The following TRAF1 variants were observed in gnomAD, a reference collection of about 807,000 sequenced individuals.
The protein encoded by TRAF1 is TNF receptor associated factor 1.
Under a neutral mutation model 40.9 loss-of-function variants are expected in TRAF1, and 23 were observed. That is an observed-to-expected ratio of 0.56 (90% CI 0.40 to 0.80). The LOEUF (loss-of-function observed/expected upper bound fraction) is 0.80, where lower values mean the gene tolerates loss of function less well. TRAF1 is among the 30% of genes least tolerant of loss of function. TRAF1 has a pLI of 0.00. For missense variants in TRAF1, 477 were observed against 528.7 expected, an observed-to-expected ratio of 0.90 and a Z score of 0.96; for synonymous variants, 206 against 218.8, an observed-to-expected ratio of 0.94 and a Z score of 0.52.
At position 120,909,360 on chromosome 9, in the gene TRAF1, T is replaced by C; in HGVS notation, c.902A>G (p.Tyr301Cys). 2.5e-6 allele frequency: 4 copies of C among 1,614,102 alleles called. No homozygotes were observed. The highest frequency in any genetic ancestry group is 4.5e-5 in the East Asian group (2 of 44,890). ...LFSPAFYTAK[Y>C]GYKLCLRLYL... ...CAGCCGCAGGCACAACTTGTAGCCA[T>C]ACTTGGCAGTGTAGAAGGCTGAAAC... Residue 301 changes from tyrosine to cysteine, a missense_variant, in exon 7 of 8, where the codon TAT becomes TGT. Tyr to Cys is a radical substitution (Grantham distance 194). Transcript: ENST00000373887.
chr9:120,918,007 C>T (rs1407004935), intron 3 of TRAF1, among the ~76,000 whole-genome samples: 1 of 151,978 alleles, frequency 6.6e-6, no homozygotes, highest in Admixed American at 6.6e-5. Flanking sequence ...TGACTGGTAT[C>T]CTTTTAGGAA....
chr9:120,926,134 C>G lies in TRAF1; in HGVS notation c.-59G>C, dbSNP rs775230531. On this transcript the variant is annotated 5_prime_UTR_variant, in exon 2 of 8. Transcript: ENST00000373887. The stretch of plus-strand genomic sequence containing the variant: ...AAGTTGCTCCAGGGCAGGGGACCAG[C>G]CTTGTGGAGTCCTGGCCTGGGCCTC... 8 of 1,474,184 alleles carry G rather than the reference C, an allele frequency of 5.4e-6. No homozygotes were observed. The highest frequency in any genetic ancestry group is 2.8e-5 in the South Asian group (2 of 70,480). The allele number at this position is 1,474,184 out of a possible 1,614,324, so 91.3% of individuals were successfully genotyped here.
Position 120,913,559 on chromosome 9 carries a change from C to T in TRAF1, c.474G>A (p.Gly158=). The T allele has an allele frequency of 1.2e-6, 2 of 1,613,958 alleles. No homozygotes were observed. Among genetic ancestry groups the T allele is most frequent in the Admixed American group, 1.7e-5 (1 of 60,024 alleles). Residue 158 remains glycine, a synonymous_variant, in exon 5 of 8, where the codon GGG becomes GGA. Transcript: ENST00000373887. The part of the protein sequence containing the change: ...LQLQAAVEVA[G]DLEVDCYRAP... ...CCCGGTAGCAATCGACCTCCAGGTC[C>T]CCCGCCACTTCCACGGCTGCCTGCA...
At chr9:120,913,858 G>A in intron 4 of TRAF1, 120 bp from the exon 5 acceptor site, 1 of 1,212,504 alleles carries the variant, frequency 8.2e-7, no homozygotes, top group Non-Finnish European at 1.1e-6. Flanking sequence ...AAAAGGAGTG[G>A]CTTTCTGTAC....
chr9:120,910,298 C>T (rs1296605699), intron 6 of TRAF1, among the ~76,000 whole-genome samples: 1 of 152,164 alleles, frequency 6.6e-6, no homozygotes, highest in Non-Finnish European at 1.5e-5. Flanking sequence ...GGCTCGAGGC[C>T]ACCCCATGAA....
At chr9:120,916,759 A>G (rs2131628631) in intron 3 of TRAF1, among the ~76,000 whole-genome samples, 1 of 146,948 alleles carries the variant, frequency 6.8e-6, no homozygotes, top group African/African-American at 2.5e-5. Context: ...CAGATGTTCT[A>G]TGGAAGGCAG....
upstream of TRAF1, chr9:120,927,792 C>T (rs1352279694): frequency 6.6e-6 from 1 of 152,282 alleles, no homozygotes; most frequent in Non-Finnish European, 1.5e-5. Flanking sequence ...TAACAAACGA[C>T]CTCCAGGCCT....
chr9:120,928,047 T>G (rs1564123226), upstream of TRAF1: 1 of 152,170 alleles, frequency 6.6e-6, no homozygotes, highest in Non-Finnish European at 1.5e-5. Context: ...GGAAAAATAG[T>G]ACTACTTTTG....
chr9:120,914,199 G>C, intron 4 of TRAF1, 36 bp downstream of exon 4: 6 of 1,478,716 alleles, frequency 4.1e-6, no homozygotes, highest in South Asian at 1.4e-5. Context: ...TGGAACCATA[G>C]TGGATAGATC....
intron 3 of TRAF1, among the ~76,000 whole-genome samples, chr9:120,921,289 C>A (rs185868638): frequency 1.5e-4 from 23 of 152,088 alleles, no homozygotes; most frequent in African/African-American, 4.6e-4. Context: ...TCCCCAGAAC[C>A]TCTTAGGGGC....
Position 120,903,747 on chromosome 9 carries a change from T to A in TRAF1, c.*1273A>T, listed in dbSNP as rs1475092516. ...TCTCTCCAGTCTGTCCTGCGTGGCA[T>A]CTCCTTTGAGGGTCAGAGAAGCCAG... is the stretch of plus-strand genomic sequence containing the variant. On this transcript the variant is annotated 3_prime_UTR_variant, in exon 8 of 8. Transcript: ENST00000373887. 6.6e-6 allele frequency: 1 copy of A among 152,114 alleles called. No homozygotes were observed. Among genetic ancestry groups the A allele is most frequent in the Non-Finnish European group, 1.5e-5 (1 of 68,036 alleles). 9.4% of individuals were successfully genotyped at this position (152,114 alleles called of 1,614,324 possible). A position where few individuals can be genotyped will look rare whatever the true frequency, so the allele number is the denominator to read the frequency against.
At chr9:120,918,339 A>T (rs1214557509) in intron 3 of TRAF1, among the ~76,000 whole-genome samples, 1 of 152,020 alleles carries the variant, frequency 6.6e-6, no homozygotes, top group Admixed American at 6.6e-5. Context: ...TAATAAATTA[A>T]TAGTAATAAT....
chr9:120,913,549 C>T lies in TRAF1; in HGVS notation c.484G>A (p.Val162Ile). 10 of 1,613,516 alleles carry T rather than the reference C, an allele frequency of 6.2e-6. No individual in the cohort carries two copies. The highest frequency in any genetic ancestry group is 8.5e-6 in the Non-Finnish European group (10 of 1,179,864). Residue 162 changes from valine to isoleucine, a missense_variant, in exon 5 of 8, where the codon GTC (valine) becomes ATC (isoleucine). Val to Ile is a conservative substitution (Grantham distance 29). Transcript: ENST00000373887. ...AAVEVAGDLE[V>I]DCYRAPCSES... Reference sequence around the variant, plus strand: ...GAGCAGGGTGCCCGGTAGCAATCGACCTCCAGGTCCCCCGCCACTTCCACG... The same window carrying T: ...GAGCAGGGTGCCCGGTAGCAATCGATCTCCAGGTCCCCCGCCACTTCCACG...
chr9:120,914,231 T>C lies in TRAF1; in HGVS notation c.294+4A>G, dbSNP rs757975563. The C allele has an allele frequency of 5.2e-6, 8 of 1,526,732 alleles. No individual in the cohort carries two copies. Among genetic ancestry groups the C allele is most frequent in the South Asian group, 2.5e-5 (2 of 79,274 alleles). 94.6% of individuals were successfully genotyped at this position (1,526,732 alleles called of 1,614,324 possible). On this transcript the variant is annotated splice_donor_region_variant and intron_variant, in intron 4 of 7. Transcript: ENST00000373887. ...GATCTCCTTTCTCACACTCAGATGC[T>C]TACCTTGAAGGAGCAGCCGACACCT...
At chr9:120,915,882 T>C (rs1283232884) in intron 3 of TRAF1, among the ~76,000 whole-genome samples, 1 of 152,160 alleles carries the variant, frequency 6.6e-6, no homozygotes, top group Non-Finnish European at 1.5e-5. Flanking sequence ...TATGAAAGTA[T>C]CTTATAAAGT....
chr9:120,909,194 C>G, intron 7 of TRAF1, 36 bp downstream of exon 7: 1 of 1,603,836 alleles, frequency 6.2e-7, no homozygotes, highest in Non-Finnish European at 8.5e-7. Context: ...GGCTTCCATG[C>G]TCCCCACCTT....
At chr9:120,908,618 G>T (rs914730488) in intron 7 of TRAF1, among the ~76,000 whole-genome samples, 1 of 152,020 alleles carries the variant, frequency 6.6e-6, no homozygotes, top group Admixed American at 6.5e-5. Context: ...GGAGTGCAGT[G>T]GCGCTATCTT....
intron 3 of TRAF1, among the ~76,000 whole-genome samples, chr9:120,918,277 G>A (rs1032040896): frequency 6.6e-6 from 1 of 151,976 alleles, no homozygotes; most frequent in African/African-American, 2.4e-5. Flanking sequence ...ATCTTTGGAG[G>A]ACATTATTCT....
At chr9:120,918,384 C>A (rs573895796) in intron 3 of TRAF1, among the ~76,000 whole-genome samples, 21 of 151,910 alleles carry the variant, frequency 1.4e-4, no homozygotes, top group Admixed American at 9.8e-4. Context: ...CATACTACTA[C>A]TGAATACTTG....
Sources: gnomAD v4.1 joint callset for allele counts (sites outside exome capture counted in the v4.1 genomes callset) on GRCh38, gnomAD v4.1.1 for gene constraint, MANE v1.5 for transcripts, NCBI Gene and HGNC (gene_info 2026-07-23, HGNC 2026-07-21) for gene names.